Variants in RTTN observed in about 807,000 individuals in gnomAD.
RTTN encodes the protein rotatin.
In RTTN, 182 loss-of-function variants were observed where a neutral mutation model predicts 269.2. That is an observed-to-expected ratio of 0.68 (90% CI 0.60 to 0.76). The LOEUF (loss-of-function observed/expected upper bound fraction) is 0.76, where lower values mean the gene tolerates loss of function less well. RTTN is among the 30% of genes least tolerant of loss of function. The probability of loss-of-function intolerance (pLI) is 0.00; values close to 1 mark genes in which losing one functional copy is unlikely to be tolerated. For synonymous variants in RTTN, 1,006 were observed against 963.5 expected, an observed-to-expected ratio of 1.04 and a Z score of -0.82; for missense variants, 2,545 against 2,608.6, an observed-to-expected ratio of 0.98 and a Z score of 0.53.
chr18:70,062,100 T>C (rs953004408), intron 35 of RTTN, among the ~76,000 whole-genome samples: 1 of 152,236 alleles, frequency 6.6e-6, no homozygotes, highest in African/African-American at 2.4e-5. Context: ...ACAGTTCATT[T>C]TGCCAATAGT....
intron 19 of RTTN, among the ~76,000 whole-genome samples, chr18:70,140,631 A>G (rs1351191653): frequency 6.6e-6 from 1 of 152,128 alleles, no homozygotes; most frequent in African/African-American, 2.4e-5. Flanking sequence ...TATCTATAAA[A>G]AAATCTCTAA....
chr18:70,164,157 T>G (rs942637275), intron 14 of RTTN, among the ~76,000 whole-genome samples: 1 of 152,136 alleles, frequency 6.6e-6, no homozygotes, highest in African/African-American at 2.4e-5. Flanking sequence ...ACGAATGTAC[T>G]TATGCCACTG....
At chr18:70,177,966 A>C (rs1309991368) in intron 10 of RTTN, among the ~76,000 whole-genome samples, 1 of 152,204 alleles carries the variant, frequency 6.6e-6, no homozygotes, top group African/African-American at 2.4e-5. Flanking sequence ...AGGGTCTCCA[A>C]AAGAGATGTA....
intron 35 of RTTN, among the ~76,000 whole-genome samples, chr18:70,060,969 T>A (rs59382250): frequency 0.094 from 14,268 of 152,002 alleles, 2,006 homozygotes; most frequent in African/African-American, 0.31. Flanking sequence ...TGTGTACATA[T>A]ATGGTTCATT....
intron 32 of RTTN, 120 bp downstream of exon 32, chr18:70,086,493 G>A (rs2058700612): frequency 1.2e-6 from 1 of 819,410 alleles, no homozygotes; most frequent in Admixed American, 2.5e-5. Context: ...TCTATTTTAA[G>A]AGGCCCTTGC....
chr18:70,076,201 C>A (rs890301846), intron 32 of RTTN, among the ~76,000 whole-genome samples: 1 of 151,846 alleles, frequency 6.6e-6, no homozygotes, highest in Non-Finnish European at 1.5e-5. Flanking sequence ...TATCTAATAG[C>A]AAAAAGCAAG....
intron 23 of RTTN, chr18:70,131,286 G>T (rs1189722646): frequency 1.3e-5 from 2 of 150,920 alleles, no homozygotes; most frequent in Non-Finnish European, 3.0e-5. Flanking sequence ...AACGACCACG[G>T]TATACAAATC....
chr18:70,173,491 C>CAAAAAAA (rs397974179), intron 11 of RTTN, among the ~76,000 whole-genome samples: 148 of 47,892 alleles, frequency 3.1e-3, no homozygotes, highest in Non-Finnish European at 3.9e-3. Flanking sequence ...GACTCCAACT[C>CAAAAAAA]AAAAAAAAAA....
chr18:70,119,450 A>C (rs895025544), intron 26 of RTTN, among the ~76,000 whole-genome samples: 6 of 152,012 alleles, frequency 3.9e-5, no homozygotes, highest in African/African-American at 1.4e-4. Flanking sequence ...GGAAGAGGAA[A>C]ATGGAAGGAA....
At chr18:70,179,470 A>C (rs1384093901) in intron 10 of RTTN, among the ~76,000 whole-genome samples, 1 of 152,226 alleles carries the variant, frequency 6.6e-6, no homozygotes, top group Non-Finnish European at 1.5e-5. Flanking sequence ...AGCATAAAAA[A>C]AATGGCTTTT....
chr18:70,178,247 G>A (rs2061348218), intron 10 of RTTN, among the ~76,000 whole-genome samples: 1 of 152,112 alleles, frequency 6.6e-6, no homozygotes, highest in African/African-American at 2.4e-5. Flanking sequence ...AAAGAAAAGG[G>A]TGTTGAGCAT....
chr18:70,111,247 C>T (rs1662155765), intron 27 of RTTN, among the ~76,000 whole-genome samples: 1 of 152,206 alleles, frequency 6.6e-6, no homozygotes, highest in African/African-American at 2.4e-5. Context: ...GTCCCTGACC[C>T]CCGTGTATCC....
At chr18:70,093,615 C>A (rs2058914056) in intron 28 of RTTN, among the ~76,000 whole-genome samples, 1 of 152,130 alleles carries the variant, frequency 6.6e-6, no homozygotes, top group South Asian at 2.1e-4. Context: ...TATTGATTTG[C>A]ATATGTTGAA....
intron 43 of RTTN, among the ~76,000 whole-genome samples, chr18:70,026,946 C>T (rs990307085): frequency 4.6e-5 from 7 of 152,134 alleles, no homozygotes; most frequent in African/African-American, 1.4e-4. Flanking sequence ...GCATGAATAT[C>T]GGGTCTCTCA....
intron 25 of RTTN, among the ~76,000 whole-genome samples, chr18:70,121,939 T>C (rs1599656076): frequency 6.6e-6 from 1 of 151,902 alleles, no homozygotes; most frequent in Non-Finnish European, 1.5e-5. Context: ...GTGACAAATA[T>C]CATAAGAGAA....
chr18:70,046,718 A>T (rs904792879), intron 40 of RTTN, among the ~76,000 whole-genome samples: 2 of 152,186 alleles, frequency 1.3e-5, no homozygotes, highest in Non-Finnish European at 2.9e-5. Flanking sequence ...AGGCTTTTAG[A>T]GAAATGCTTT....
intron 35 of RTTN, among the ~76,000 whole-genome samples, chr18:70,064,947 C>T (rs1026688489): frequency 6.6e-6 from 1 of 151,978 alleles, no homozygotes; most frequent in Non-Finnish European, 1.5e-5. Flanking sequence ...ATGTCCTGAG[C>T]CATTTAAATA....
Position 70,140,207 on chromosome 18 carries a change from A to G in RTTN, c.2582-19T>C, listed in dbSNP as rs1599738939. 2 of 1,436,902 alleles carry G rather than the reference A, an allele frequency of 1.4e-6. No homozygotes were observed. Among genetic ancestry groups the G allele is most frequent in the Non-Finnish European group, 9.8e-7 (1 of 1,024,124 alleles). The allele number at this position is 1,436,902 out of a possible 1,614,324, so 89.0% of individuals were successfully genotyped here. On this transcript the variant is annotated intron_variant, in intron 19 of 48. Coordinates refer to ENST00000640769, the MANE Select transcript of RTTN (RefSeq NM_173630.4). ...TTAATATCTGTAGATAAAAAAAGTT[A>G]CTAAAAGTTAAAGCACATTTTTTGT...
Position 70,006,503 on chromosome 18 carries a change from T to C in RTTN, c.6422-19A>G, listed in dbSNP as rs1252960589. The C allele has an allele frequency of 6.3e-7, 1 of 1,582,472 alleles. No homozygotes were observed. The highest frequency in any genetic ancestry group is 8.7e-7 in the Non-Finnish European group (1 of 1,151,494). Reference sequence around the variant, plus strand: ...ACTTTTTCTAAAAATGAACATATATTTTTTAAAAGTTCAGTCCCAGACACT... The same window carrying C: ...ACTTTTTCTAAAAATGAACATATATCTTTTAAAAGTTCAGTCCCAGACACT... On this transcript the variant is annotated intron_variant, in intron 46 of 48. Coordinates refer to ENST00000640769, the MANE Select transcript of RTTN (RefSeq NM_173630.4).
Sources: allele counts gnomAD v4.1 joint callset (sites outside exome capture counted in the v4.1 genomes callset), GRCh38; gene constraint gnomAD v4.1.1; transcripts MANE v1.5; gene names NCBI Gene and HGNC (gene_info 2026-07-23, HGNC 2026-07-21).